The following WDPCP variants were observed in gnomAD, a reference collection of about 807,000 sequenced individuals.
The protein encoded by WDPCP is WD repeat-containing and planar cell polarity effector protein fritz homolog.
WDPCP carries 71 observed loss-of-function variants against 93.1 expected under a neutral mutation model. The ratio of observed to expected loss-of-function variants is 0.76; its 90% confidence interval spans 0.63 to 0.93. WDPCP has a LOEUF of 0.93. WDPCP is among the 40% of genes least tolerant of loss of function. WDPCP has a pLI of 0.00. For synonymous variants in WDPCP, 315 were observed against 315.0 expected (o/e 1.00, Z 0.00); for missense variants, 844 against 887.4 (o/e 0.95, Z 0.62).
chr2:63,301,631 C>T (rs777527920), intron 13 of WDPCP, among the ~76,000 whole-genome samples: 8 of 152,106 alleles, frequency 5.3e-5, no homozygotes, highest in Non-Finnish European at 8.8e-5. Flanking sequence ...TCTCTTAGTT[C>T]CTCTGGTTCC....
chr2:63,649,966 CAGG>C (rs1710091679), intron 3 of WDPCP, among the ~76,000 whole-genome samples: 1 of 152,088 alleles, frequency 6.6e-6, no homozygotes, highest in African/African-American at 2.4e-5. Flanking sequence ...CCTCTGGGGT[CAGG>C]AATGAGAAGC....
At chr2:63,510,827 T>A (rs981344438) in intron 1 of WDPCP, among the ~76,000 whole-genome samples, 2 of 151,790 alleles carry the variant, frequency 1.3e-5, no homozygotes, top group Admixed American at 6.6e-5. Flanking sequence ...CCAAAAAAAA[T>A]TCACCAGGCG....
chr2:63,473,273 T>G (rs1699791546), intron 6 of WDPCP, among the ~76,000 whole-genome samples: 1 of 152,318 alleles, frequency 6.6e-6, no homozygotes, highest in African/African-American at 2.4e-5. Flanking sequence ...TAAGCCTTGT[T>G]GCTGGAGCAG....
intron 1 of WDPCP, among the ~76,000 whole-genome samples, chr2:63,523,259 C>T (rs1033091967): frequency 6.6e-6 from 1 of 152,086 alleles, no homozygotes; most frequent in Non-Finnish European, 1.5e-5. Flanking sequence ...GTCAACATAC[C>T]TTCATGTTAA....
intron 10 of WDPCP, among the ~76,000 whole-genome samples, chr2:63,389,273 C>A (rs548046693): frequency 5.3e-5 from 8 of 152,244 alleles, no homozygotes; most frequent in Non-Finnish European, 7.4e-5. Context: ...GAATTTTCAA[C>A]CCAGAATCTC....
At chr2:63,755,307 T>A (rs946881690) in intron 2 of WDPCP, among the ~76,000 whole-genome samples, 1 of 152,156 alleles carries the variant, frequency 6.6e-6, no homozygotes, top group Non-Finnish European at 1.5e-5. Flanking sequence ...GAGGAGCACG[T>A]GTGGGAGGTT....
chr2:63,734,866 T>TAGAC (rs776324098), intron 2 of WDPCP, among the ~76,000 whole-genome samples: 1,520 of 131,990 alleles, frequency 0.012, 16 homozygotes, highest in Non-Finnish European at 0.016. Flanking sequence ...TGGAGATAGA[T>TAGAC]AGATAGACAG....
At chr2:63,627,047 G>C (rs2106634110) in intron 3 of WDPCP, among the ~76,000 whole-genome samples, 1 of 151,092 alleles carries the variant, frequency 6.6e-6, no homozygotes, top group South Asian at 2.1e-4. Flanking sequence ...AGAATTAGTT[G>C]AATGACACAT....
At chr2:63,208,865 T>C (rs991811215) in intron 14 of WDPCP, among the ~76,000 whole-genome samples, 4 of 152,216 alleles carry the variant, frequency 2.6e-5, no homozygotes, top group African/African-American at 4.8e-5. Flanking sequence ...TTCTGCTCCA[T>C]AGGAGGTTTA....
At chr2:63,656,353 G>C (rs1710165697) in intron 2 of WDPCP, among the ~76,000 whole-genome samples, 2 of 152,176 alleles carry the variant, frequency 1.3e-5, no homozygotes, top group African/African-American at 2.4e-5. Context: ...ATGCAGACTG[G>C]GTTGGTGGCT....
chr2:63,707,139 C>A (rs113515482), intron 2 of WDPCP, among the ~76,000 whole-genome samples: 1 of 151,998 alleles, frequency 6.6e-6, no homozygotes, highest in African/African-American at 2.4e-5. Flanking sequence ...AACTTTGTGG[C>A]GTTCTCTGTA....
At chr2:63,495,835 A>G (rs1047710309) in intron 1 of WDPCP, among the ~76,000 whole-genome samples, 5 of 152,220 alleles carry the variant, frequency 3.3e-5, no homozygotes, top group African/African-American at 7.2e-5. Context: ...CTTATATGGT[A>G]ATCTCACAGT....
intron 12 of WDPCP, among the ~76,000 whole-genome samples, chr2:63,320,377 A>G (rs1686992418): frequency 6.6e-6 from 1 of 152,204 alleles, no homozygotes; most frequent in Non-Finnish European, 1.5e-5. Context: ...GATCTTCAAG[A>G]AAGAATGAAA....
intron 15 of WDPCP, among the ~76,000 whole-genome samples, chr2:63,154,232 C>T (rs1202345333): frequency 2.0e-5 from 3 of 151,524 alleles, no homozygotes; most frequent in African/African-American, 7.3e-5. Flanking sequence ...TGTTTAGATT[C>T]CTGTTATTAC....
At chr2:63,554,170 T>C (rs1705895307) in intron 1 of WDPCP, among the ~76,000 whole-genome samples, 1 of 152,244 alleles carries the variant, frequency 6.6e-6, no homozygotes, top group Non-Finnish European at 1.5e-5. Context: ...TCTCTTGATT[T>C]TGACATTTCT....
chr2:63,210,631 G>A (rs1676704401), intron 14 of WDPCP, among the ~76,000 whole-genome samples: 1 of 152,168 alleles, frequency 6.6e-6, no homozygotes, highest in African/African-American at 2.4e-5. Flanking sequence ...TGCAGCCCAT[G>A]GACTGTGAGC....
intron 2 of WDPCP, among the ~76,000 whole-genome samples, chr2:63,746,309 C>A (rs529531709): frequency 1.3e-4 from 20 of 152,248 alleles, no homozygotes; most frequent in African/African-American, 4.1e-4. Flanking sequence ...TCTTCGTAAG[C>A]TGAGGATGTA....
At chr2:63,418,942 G>T (rs77348505) in intron 9 of WDPCP, among the ~76,000 whole-genome samples, 2,357 of 152,232 alleles carry the variant, frequency 0.015, 62 homozygotes, top group African/African-American at 0.055. Flanking sequence ...CACAAGAAAC[G>T]GATGGCCAGC....
intron 9 of WDPCP, among the ~76,000 whole-genome samples, chr2:63,415,427 A>G (rs1695346877): frequency 6.6e-6 from 1 of 152,106 alleles, no homozygotes; most frequent in Non-Finnish European, 1.5e-5. Flanking sequence ...ACCAATAATA[A>G]TAGTAGTAAG....
Sources: allele counts gnomAD v4.1 joint callset (sites outside exome capture counted in the v4.1 genomes callset), GRCh38; gene constraint gnomAD v4.1.1; transcripts MANE v1.5; gene names NCBI Gene and HGNC (gene_info 2026-07-23, HGNC 2026-07-21).